The following RGL1 variants were observed in gnomAD, a reference collection of about 807,000 sequenced individuals.
RGL1 encodes ral guanine nucleotide dissociation stimulator-like 1.
Under a neutral mutation model 95.2 loss-of-function variants are expected in RGL1, and 24 were observed. The observed-to-expected ratio is 0.25, with a 90% CI of 0.18 to 0.35. RGL1 has a LOEUF of 0.35. RGL1 is among the 10% of genes least tolerant of loss of function. The pLI, the probability that RGL1 is intolerant of heterozygous loss-of-function variation, is 1.00. For missense variants in RGL1, 715 were observed against 936.3 expected (o/e 0.76, Z 3.08); for synonymous variants, 329 against 344.9 (o/e 0.95, Z 0.51).
chr1:183,774,701 G>T (rs180688367), intron 2 of RGL1, among the ~76,000 whole-genome samples: 1 of 150,010 alleles, frequency 6.7e-6, no homozygotes, highest in African/African-American at 2.5e-5. Flanking sequence ...TCAGCCTCCC[G>T]AGTAGCTGGG....
upstream of RGL1, among the ~76,000 whole-genome samples, chr1:183,801,143 T>TGTG (rs1660963984): frequency 1.5e-5 from 2 of 129,888 alleles, no homozygotes; most frequent in African/African-American, 5.3e-5. Flanking sequence ...ACTTGTTATT[T>TGTG]TGTGTGTGTG....
intron 1 of RGL1, chr1:183,648,907 G>T: frequency 1.3e-6 from 1 of 743,540 alleles, no homozygotes; most frequent in Non-Finnish European, 2.2e-6. Flanking sequence ...AAAGGAAGTA[G>T]CACAATAAAG....
chr1:183,682,819 C>G (rs1173415699), intron 1 of RGL1, among the ~76,000 whole-genome samples: 1 of 152,092 alleles, frequency 6.6e-6, no homozygotes, highest in Non-Finnish European at 1.5e-5. Context: ...TTTTGTAGGT[C>G]TCTGGTAACT....
At chr1:183,738,862 C>T (rs1435751905) in intron 1 of RGL1, among the ~76,000 whole-genome samples, 3 of 152,086 alleles carry the variant, frequency 2.0e-5, no homozygotes, top group Non-Finnish European at 2.9e-5. Context: ...GACTGCACCA[C>T]TGCACTCCAG....
chr1:183,709,038 A>G (rs1212331189), intron 1 of RGL1, among the ~76,000 whole-genome samples: 1 of 152,176 alleles, frequency 6.6e-6, no homozygotes, highest in Non-Finnish European at 1.5e-5. Flanking sequence ...ATCAGCACCA[A>G]ATGAGACCGG....
At chr1:183,636,390 AACT>A (rs1187317290) in exon 1 of RGL1, 1 of 388,908 alleles carries the variant, frequency 2.6e-6, no homozygotes, top group Non-Finnish European at 4.5e-6. Context: ...CTGGGATTGG[AACT>A]ACCCTTCTTG....
chr1:183,669,028 C>T (rs1348197450), intron 1 of RGL1, among the ~76,000 whole-genome samples: 3 of 150,668 alleles, frequency 2.0e-5, no homozygotes, highest in Middle Eastern at 3.4e-3. Flanking sequence ...CTGCAACCTC[C>T]GCCTCCCGGG....
At chr1:183,846,120 A>G (rs1194306732) in intron 2 of RGL1, among the ~76,000 whole-genome samples, 1 of 152,256 alleles carries the variant, frequency 6.6e-6, no homozygotes, top group Non-Finnish European at 1.5e-5. Context: ...ACTGTTCACA[A>G]TAGCAAAGAC....
intron 1 of RGL1, among the ~76,000 whole-genome samples, chr1:183,655,611 C>T (rs752355277): frequency 3.9e-5 from 6 of 152,068 alleles, no homozygotes; most frequent in African/African-American, 1.2e-4. Flanking sequence ...CAAAAGGAGA[C>T]GAAAAAGCAG....
upstream of RGL1, among the ~76,000 whole-genome samples, chr1:183,803,264 A>C (rs1661090610): frequency 6.6e-6 from 1 of 152,168 alleles, no homozygotes; most frequent in Non-Finnish European, 1.5e-5. Context: ...GTTTGGGAGG[A>C]AGTACAATAA....
intron 17 of RGL1, among the ~76,000 whole-genome samples, chr1:183,924,732 G>A (rs989767030): frequency 6.6e-6 from 1 of 150,816 alleles, no homozygotes; most frequent in Non-Finnish European, 1.5e-5. Context: ...ATCATCTGAC[G>A]TCAGGAGTTC....
chr1:183,769,823 C>T (rs1383809231), intron 2 of RGL1, among the ~76,000 whole-genome samples: 1 of 152,146 alleles, frequency 6.6e-6, no homozygotes, highest in African/African-American at 2.4e-5. Context: ...ACACTGAGGT[C>T]AAACAGCACC....
intron 2 of RGL1, among the ~76,000 whole-genome samples, chr1:183,815,260 C>T (rs921997084): frequency 7.1e-5 from 9 of 127,026 alleles, no homozygotes; most frequent in African/African-American, 2.1e-4. Flanking sequence ...GGCAACAGAG[C>T]GAAACTCCAT....
intron 12 of RGL1, among the ~76,000 whole-genome samples, chr1:183,904,595 A>G (rs2102707166): frequency 6.6e-6 from 1 of 152,326 alleles, no homozygotes; most frequent in South Asian, 2.1e-4. Context: ...AGCTTGTTTT[A>G]TACAAATTGC....
At chr1:183,673,938 A>G (rs1302299743) in intron 1 of RGL1, among the ~76,000 whole-genome samples, 1 of 152,098 alleles carries the variant, frequency 6.6e-6, no homozygotes, top group Admixed American at 6.5e-5. Flanking sequence ...GTCTTAATCC[A>G]TCTGGTCTCT....
chr1:183,840,339 G>T (rs950437837), intron 2 of RGL1, among the ~76,000 whole-genome samples: 2 of 152,146 alleles, frequency 1.3e-5, no homozygotes, highest in African/African-American at 4.8e-5. Context: ...AGGAATCCTG[G>T]TTTCTATGAT....
intron 1 of RGL1, among the ~76,000 whole-genome samples, chr1:183,697,146 A>C (rs904823659): frequency 6.6e-6 from 1 of 152,116 alleles, no homozygotes; most frequent in African/African-American, 2.4e-5. Flanking sequence ...CTTACAATAC[A>C]TTGAGCAACT....
chr1:183,895,577 A>G (rs145269139), intron 9 of RGL1, among the ~76,000 whole-genome samples: 7 of 152,312 alleles, frequency 4.6e-5, no homozygotes, highest in Non-Finnish European at 1.0e-4. Context: ...TGACAAAAAG[A>G]AGAATCACTA....
At chr1:183,813,860 C>G (rs1377726973) in intron 2 of RGL1, among the ~76,000 whole-genome samples, 1 of 152,218 alleles carries the variant, frequency 6.6e-6, no homozygotes, top group Non-Finnish European at 1.5e-5. Context: ...TAGTTTACTG[C>G]TACCTCCTCT....
Sources: gnomAD v4.1 joint callset for allele counts (sites outside exome capture counted in the v4.1 genomes callset) on GRCh38, gnomAD v4.1.1 for gene constraint, MANE v1.5 for transcripts, NCBI Gene and HGNC (gene_info 2026-07-23, HGNC 2026-07-21) for gene names.